SLCO5A1: variants seen among roughly 807,000 people sequenced by gnomAD.
SLCO5A1 encodes solute carrier organic anion transporter family member 5A1.
In SLCO5A1, 39 loss-of-function variants were observed where a neutral mutation model predicts 65.1. That is an observed-to-expected ratio of 0.60 (90% CI 0.46 to 0.78). The LOEUF is 0.78. Among genes scored for constraint, SLCO5A1 ranks in the 30% least tolerant of loss-of-function variants. The pLI, the probability that SLCO5A1 is intolerant of heterozygous loss-of-function variation, is 0.00. For synonymous variants in SLCO5A1, 438 were observed against 415.7 expected, an observed-to-expected ratio of 1.05 and a Z score of -0.65; for missense variants, 1,029 against 1,069.4, an observed-to-expected ratio of 0.96 and a Z score of 0.53.
chr8:69,793,537 AT>A (rs1259097283), intron 2 of SLCO5A1, among the ~76,000 whole-genome samples: 1 of 152,060 alleles, frequency 6.6e-6, no homozygotes, highest in Non-Finnish European at 1.5e-5. Context: ...GTTGAGGCAG[AT>A]GGATCAGCCT....
chr8:69,728,261 A>T (rs913900935), intron 5 of SLCO5A1, among the ~76,000 whole-genome samples: 1 of 152,172 alleles, frequency 6.6e-6, no homozygotes, highest in Non-Finnish European at 1.5e-5. Flanking sequence ...TTAAAAAGAA[A>T]TAAAAAAGGA....
chr8:69,687,099 C>T lies in SLCO5A1; in HGVS notation c.1623-4756G>A, dbSNP rs1389633700. Among the ~76,000 whole-genome samples, 6 of 152,090 alleles carry T rather than the reference C, an allele frequency of 3.9e-5. No individual in the cohort carries two copies. In the East Asian group the frequency reaches 1.2e-3, roughly 29 times the overall value. The stretch of plus-strand genomic sequence containing the variant: ...TGAATAGCAGTAACACAATCACAAA[C>T]GTGAGGAGTGCAAAAGGCTACCATG... On this transcript the variant is annotated intron_variant, in intron 6 of 9. Transcript: ENST00000260126.
At position 69,832,263 on chromosome 8, in the gene SLCO5A1, C is replaced by G. The variant is rs899505867; in HGVS notation, c.411G>C (p.Leu137=). ...SRCFLVCMCF[L]TFIQALMVSG... is the part of the protein sequence containing the mutation. Reference sequence around the variant, plus strand: ...AGACCATTAACGCCTGGATGAAGGTCAGAAAGCACATGCACACCAGGAAGC... The same window carrying G: ...AGACCATTAACGCCTGGATGAAGGTGAGAAAGCACATGCACACCAGGAAGC... Residue 137 remains leucine, a synonymous_variant, in exon 2 of 10, where the codon CTG becomes CTC. Transcript: ENST00000260126. This position sits in a 1 kb window ranked among gnomAD's most constrained non-coding sequence, Gnocchi z 4.5. The G allele has an allele frequency of 6.2e-7, 1 of 1,614,188 alleles. No individual in the cohort carries two copies. The highest frequency in any genetic ancestry group is 8.5e-7 in the Non-Finnish European group (1 of 1,180,038).
At chr8:69,756,597 T>G (rs1241285946) in intron 3 of SLCO5A1, among the ~76,000 whole-genome samples, 2 of 152,192 alleles carry the variant, frequency 1.3e-5, no homozygotes, top group East Asian at 3.9e-4. Flanking sequence ...AAATATTAGG[T>G]TATATGGTAC....
intron 6 of SLCO5A1, among the ~76,000 whole-genome samples, chr8:69,694,665 C>T (rs1279232643): frequency 2.0e-5 from 3 of 152,204 alleles, no homozygotes; most frequent in Admixed American, 2.0e-4. Context: ...AAGTGGCACG[C>T]CTATACAGCC....
chr8:69,687,100 G>A (rs961713110), intron 6 of SLCO5A1, among the ~76,000 whole-genome samples: 3 of 152,096 alleles, frequency 2.0e-5, no homozygotes, highest in African/African-American at 7.2e-5. Context: ...AATCACAAAC[G>A]TGAGGAGTGC....
intron 2 of SLCO5A1, among the ~76,000 whole-genome samples, chr8:69,812,375 G>C (rs1054690737): frequency 6.6e-6 from 1 of 152,172 alleles, no homozygotes; most frequent in Non-Finnish European, 1.5e-5. Flanking sequence ...GAAAGATTAC[G>C]TGATCTGGTC....
rs80078382 is a variant in SLCO5A1, at chr8:69,673,088, G to A, written c.2328C>T (p.Pro776=). 1.2e-6 allele frequency: 2 copies of A among 1,614,202 alleles called. No homozygotes were observed. Among genetic ancestry groups the A allele is most frequent in the Non-Finnish European group, 1.7e-6 (2 of 1,180,044 alleles). Residue 776 remains proline, a synonymous_variant, in exon 10 of 10, where the codon CCC becomes CCT. Transcript: ENST00000260126. ...CCACTCTCTCACTCACGGTGCTCAG[G>A]GGAAATTCTCTCTGCCTCCGCCTCT... is the stretch of plus-strand genomic sequence containing the variant. ...GLQRRRQREF[P]LSTVSERVGH...
chr8:69,787,140 G>A (rs928399299), intron 2 of SLCO5A1, among the ~76,000 whole-genome samples: 7 of 152,112 alleles, frequency 4.6e-5, no homozygotes, highest in Admixed American at 6.5e-5. Context: ...ATTTCAACTC[G>A]TGGCATCTAG....
Position 69,669,345 on chromosome 8 carries a change from G to A in SLCO5A1, c.*3524C>T, listed in dbSNP as rs1025683427. On this transcript the variant is annotated 3_prime_UTR_variant, in exon 10 of 10. Transcript: ENST00000260126. ...AAAAATTGAAATGCTTTAATCTCACGATTTTATAGTCACCTTGCCTTTGTT... is the reference window on the plus strand; with the variant it reads ...AAAAATTGAAATGCTTTAATCTCACAATTTTATAGTCACCTTGCCTTTGTT... 4 of 151,872 alleles carry A rather than the reference G, an allele frequency of 2.6e-5. No individual in the cohort carries two copies. Among genetic ancestry groups the A allele is most frequent in the Admixed American group, 6.6e-5 (1 of 15,258 alleles). The allele number at this position is 151,872 out of a possible 1,614,324, so 9.4% of individuals were successfully genotyped here.
intron 4 of SLCO5A1, among the ~76,000 whole-genome samples, chr8:69,749,310 G>T (rs1016788522): frequency 6.6e-6 from 1 of 151,964 alleles, no homozygotes; most frequent in African/African-American, 2.4e-5. Context: ...CATATCAGTT[G>T]TCACACCCTA....
chr8:69,755,598 T>C lies in SLCO5A1; in HGVS notation c.1084A>G (p.Ile362Val). The change falls in exon 4 of 10, where the codon ATA (isoleucine) becomes GTA (valine). Residue 362 changes from isoleucine (I) to valine (V), a missense_variant. This residue lies in a region of SLCO5A1 where 647 missense variants were observed against 647.5 expected (regional missense o/e 1.00). Transcript: ENST00000260126. Reference sequence around the variant, plus strand: ...TTTGGGAAAGTAAACATTGGGAATATCACAAGAAACATTGCAATGGCACAA... The same window carrying C: ...TTTGGGAAAGTAAACATTGGGAATACCACAAGAAACATTGCAATGGCACAA... The part of the protein sequence containing the change: ...LLCAIAMFLV[I>V]FPMFTFPKKL... 2 of 1,613,970 alleles carry C rather than the reference T, an allele frequency of 1.2e-6. No homozygotes were observed. The highest frequency in any genetic ancestry group is 1.7e-6 in the Non-Finnish European group (2 of 1,179,974).
In SLCO5A1 at chr8:69,832,748, C is replaced by T; in HGVS notation, c.-75G>A. On this transcript the variant is annotated 5_prime_UTR_variant, in exon 2 of 10. Coordinates refer to ENST00000260126, the MANE Select transcript of SLCO5A1 (RefSeq NM_030958.3). This position sits in a 1 kb window ranked among gnomAD's most constrained non-coding sequence, Gnocchi z 4.5. ...ACGTTTCATCCACCGGCACGAGGGG[C>T]CGAAGCCGGGCCCAGTCAGTCTTGC... 5 of 1,494,122 alleles carry T rather than the reference C, an allele frequency of 3.3e-6. No homozygotes were observed. In the South Asian group the frequency reaches 5.2e-5, roughly 16 times the overall value. 92.6% of individuals were successfully genotyped at this position (1,494,122 alleles called of 1,614,324 possible). A position where few individuals can be genotyped will look rare whatever the true frequency, so the allele number is the denominator to read the frequency against.
intron 2 of SLCO5A1, among the ~76,000 whole-genome samples, chr8:69,796,382 G>A (rs377627020): frequency 5.3e-5 from 8 of 152,000 alleles, no homozygotes; most frequent in East Asian, 3.9e-4. Flanking sequence ...GGTAGGCTGA[G>A]GCAGGAGGAT....
intron 2 of SLCO5A1, among the ~76,000 whole-genome samples, chr8:69,812,374 C>T (rs1036075770): frequency 1.3e-5 from 2 of 152,174 alleles, no homozygotes; most frequent in African/African-American, 2.4e-5. Flanking sequence ...TGAAAGATTA[C>T]GTGATCTGGT....
chr8:69,778,137 G>C (rs1818638761), intron 2 of SLCO5A1, among the ~76,000 whole-genome samples: 1 of 151,988 alleles, frequency 6.6e-6, no homozygotes, highest in African/African-American at 2.4e-5. Flanking sequence ...ATAGGGTTCA[G>C]TTCTATACGA....
chr8:69,796,984 A>G (rs1347122026), intron 2 of SLCO5A1, among the ~76,000 whole-genome samples: 1 of 152,160 alleles, frequency 6.6e-6, no homozygotes, highest in Admixed American at 6.5e-5. Flanking sequence ...TGTACATATC[A>G]CTATCAGCAT....
At chr8:69,726,514 T>TGGGG (rs1554613254) in intron 5 of SLCO5A1, among the ~76,000 whole-genome samples, 1 of 137,382 alleles carries the variant, frequency 7.3e-6, no homozygotes, top group African/African-American at 2.7e-5. Context: ...TTTTTTTTTT[T>TGGGG]GGGGGGACAG....
At chr8:69,739,753 T>A (rs1193029364) in intron 4 of SLCO5A1, among the ~76,000 whole-genome samples, 2 of 152,130 alleles carry the variant, frequency 1.3e-5, no homozygotes, top group African/African-American at 4.8e-5. Context: ...TTTTTTTACA[T>A]GGATAAACAC....
Sources: gnomAD v4.1 joint callset for allele counts (sites outside exome capture counted in the v4.1 genomes callset) on GRCh38, gnomAD v4.1.1 for gene constraint, gnomAD v4.1.1 regional missense constraint, Gnocchi (gnomAD v3.1) non-coding constraint, MANE v1.5 for transcripts, NCBI Gene and HGNC (gene_info 2026-07-23, HGNC 2026-07-21) for gene names.